The following NHSL1 variants were observed in gnomAD, a reference collection of about 807,000 sequenced individuals.
The protein encoded by NHSL1 is NHS-like protein 1.
NHSL1 carries 48 observed loss-of-function variants against 95.0 expected under a neutral mutation model. The ratio of observed to expected loss-of-function variants is 0.51; its 90% confidence interval spans 0.40 to 0.64. NHSL1 has a LOEUF of 0.64. Ranked by LOEUF, NHSL1 falls within the 30% of genes least tolerant of loss-of-function variation. The pLI is 0.00. For synonymous variants in NHSL1, 783 were observed against 833.9 expected, an observed-to-expected ratio of 0.94 and a Z score of 1.05; for missense variants, 1,971 against 2,077.7, an observed-to-expected ratio of 0.95 and a Z score of 1.00.
chr6:138,650,450 G>A (rs1785075648), intron 1 of NHSL1: 1 of 1,236,512 alleles, frequency 8.1e-7, no homozygotes, highest in African/African-American at 1.5e-5. Context: ...TCAAGCATTT[G>A]GTGTGGCTCC....
intron 1 of NHSL1, among the ~76,000 whole-genome samples, chr6:138,665,150 C>G (rs556196523): frequency 1.3e-5 from 2 of 152,150 alleles, no homozygotes; most frequent in Non-Finnish European, 2.9e-5. Context: ...CCAAATTCAG[C>G]GTTAATTTCT....
intron 1 of NHSL1, among the ~76,000 whole-genome samples, chr6:138,596,013 C>A (rs188172069): frequency 1.3e-5 from 2 of 152,268 alleles, no homozygotes; most frequent in Admixed American, 6.5e-5. Flanking sequence ...GCCATAAACC[C>A]TACTTGGAAG....
intron 3 of NHSL1, among the ~76,000 whole-genome samples, chr6:138,465,082 A>G (rs976527636): frequency 3.3e-4 from 50 of 151,342 alleles, no homozygotes; most frequent in Middle Eastern, 3.4e-3. Flanking sequence ...GAATGAATAA[A>G]CTGCTTGTTC....
intron 1 of NHSL1, among the ~76,000 whole-genome samples, chr6:138,606,213 G>A (rs189942799): frequency 5.1e-4 from 78 of 152,264 alleles, no homozygotes; most frequent in African/African-American, 1.4e-3. Context: ...GCAGAGGAAA[G>A]ACCTGGCACC....
chr6:138,424,267 G>A lies in NHSL1; in HGVS notation c.4635C>T (p.Gly1545=). The A allele has an allele frequency of 6.7e-7, 1 of 1,498,518 alleles. No homozygotes were observed. 92.8% of individuals were successfully genotyped at this position (1,498,518 alleles called of 1,614,324 possible). Residue 1545 remains glycine (G), a synonymous_variant, in exon 8 of 8, where the codon GGC becomes GGT. Coordinates refer to ENST00000343505, the MANE Select transcript of NHSL1 (RefSeq NM_001144060.2). The surrounding 1 kb of genome is among the most constrained non-coding windows in gnomAD (Gnocchi z 5.9). ...CGTCCAGGGAACATCCCTCCGCAGC[G>A]CCCAGAGCCCCGCGGGCTATGCTGT... ...PVDSIARGAL[G]AAEGCSLDGL...
intron 1 of NHSL1, among the ~76,000 whole-genome samples, chr6:138,622,859 G>A (rs879281395): frequency 3.9e-5 from 6 of 152,206 alleles, no homozygotes; most frequent in Admixed American, 1.3e-4. Flanking sequence ...TTTAGTGTGG[G>A]AGAGGCACAG....
chr6:138,547,111 C>T (rs1432555250), upstream of NHSL1, among the ~76,000 whole-genome samples: 2 of 152,118 alleles, frequency 1.3e-5, no homozygotes, highest in African/African-American at 4.8e-5. Flanking sequence ...CTGTCTGTGT[C>T]CTGGGGTGCT....
Position 138,433,633 on chromosome 6 carries a change from G to A in NHSL1, c.712C>T (p.Pro238Ser). 1 of 1,549,306 alleles carries A rather than the reference G, an allele frequency of 6.5e-7. No homozygotes were observed. Among genetic ancestry groups the A allele is most frequent in the Admixed American group, 2.0e-5 (1 of 50,918 alleles). ...CTTCCTAGTGTAGAGTAGTGATCAG[G>A]GGTGTACACTGAGTGGCCATCAGCA... ...DDADGHSVYTPDHYSTLGRFN... is the reference protein window; with the variant it reads ...DDADGHSVYTSDHYSTLGRFN... Residue 238 changes from proline (P) to serine (S), a missense_variant, in exon 6 of 8, where the codon CCT (proline) becomes TCT (serine). Around this residue, in one of 3 missense-constraint regions of NHSL1, gnomAD observed 1,602 missense variants for 1,654.5 expected, o/e 0.97. Transcript: ENST00000343505.
intron 1 of NHSL1, among the ~76,000 whole-genome samples, chr6:138,588,216 A>C (rs1020076169): frequency 3.3e-5 from 5 of 152,242 alleles, no homozygotes; most frequent in Admixed American, 1.3e-4. Flanking sequence ...TAATCTCAGC[A>C]CTTTGGGAAG....
chr6:138,435,645 A>C (rs1776030410), intron 5 of NHSL1, among the ~76,000 whole-genome samples: 1 of 152,136 alleles, frequency 6.6e-6, no homozygotes, highest in Non-Finnish European at 1.5e-5. Context: ...TAGGAAACAG[A>C]TGAATGCTAT....
intron 1 of NHSL1, among the ~76,000 whole-genome samples, chr6:138,551,429 C>T (rs1782997937): frequency 6.6e-6 from 1 of 152,178 alleles, no homozygotes; most frequent in South Asian, 2.1e-4. Flanking sequence ...ATTGGAGATG[C>T]TGAAACCCTC....
chr6:138,484,313 T>C (rs992236347), intron 2 of NHSL1, among the ~76,000 whole-genome samples: 1 of 152,166 alleles, frequency 6.6e-6, no homozygotes, highest in Non-Finnish European at 1.5e-5. Context: ...GACAGAATGC[T>C]ACCTTTGAAA....
At chr6:138,678,830 C>T (rs1348086468) in intron 1 of NHSL1, among the ~76,000 whole-genome samples, 1 of 152,156 alleles carries the variant, frequency 6.6e-6, no homozygotes, top group African/African-American at 2.4e-5. Context: ...CAAATGTTAT[C>T]CTGTAAGTGT....
intron 1 of NHSL1, among the ~76,000 whole-genome samples, chr6:138,661,674 A>AAAAG (rs915492411): frequency 7.9e-5 from 12 of 152,010 alleles, no homozygotes; most frequent in East Asian, 1.9e-4. Flanking sequence ...ATAAAAAAAA[A>AAAAG]AAAGAAAGAA....
intron 1 of NHSL1, among the ~76,000 whole-genome samples, chr6:138,679,729 T>C (rs549983039): frequency 6.6e-6 from 1 of 152,150 alleles, no homozygotes; most frequent in East Asian, 1.9e-4. Flanking sequence ...CCAAAACAGA[T>C]TGTCAGAGAG....
chr6:138,569,777 C>A (rs562654369), intron 1 of NHSL1, among the ~76,000 whole-genome samples: 15 of 151,988 alleles, frequency 9.9e-5, no homozygotes, highest in Non-Finnish European at 1.5e-5. Flanking sequence ...AAGTCAAATG[C>A]GAAAACAGAA....
chr6:138,643,993 T>A (rs1393634950), intron 1 of NHSL1, among the ~76,000 whole-genome samples: 1 of 146,388 alleles, frequency 6.8e-6, no homozygotes, highest in Admixed American at 6.8e-5. Flanking sequence ...CAAGATTCCA[T>A]CTAAGATTAA....
chr6:138,533,066 C>T (rs1782201435), intron 1 of NHSL1, among the ~76,000 whole-genome samples: 4 of 152,078 alleles, frequency 2.6e-5, no homozygotes, highest in Admixed American at 2.0e-4. Context: ...GAGTAATAAT[C>T]AACTCGCTTA....
At chr6:138,650,328 T>G in intron 1 of NHSL1, 1 of 896,170 alleles carries the variant, frequency 1.1e-6, no homozygotes, top group Non-Finnish European at 1.8e-6. Context: ...AATCCAGGAT[T>G]TGAACACCGG....
Sources: gnomAD v4.1 joint callset for allele counts (sites outside exome capture counted in the v4.1 genomes callset) on GRCh38, gnomAD v4.1.1 for gene constraint, gnomAD v4.1.1 regional missense constraint, Gnocchi (gnomAD v3.1) non-coding constraint, MANE v1.5 for transcripts, NCBI Gene and HGNC (gene_info 2026-07-23, HGNC 2026-07-21) for gene names.